Variants in ACTR3B observed in about 807,000 individuals in gnomAD.
ACTR3B encodes actin related protein 3B.
A neutral mutation model predicts 59.0 loss-of-function variants in ACTR3B; 8 were observed. The observed-to-expected ratio is 0.14, with a 90% CI of 0.08 to 0.24. The LOEUF is 0.24. Ranked by LOEUF, ACTR3B falls within the 10% of genes least tolerant of loss-of-function variation. The pLI, the probability that ACTR3B is intolerant of heterozygous loss-of-function variation, is 1.00. For synonymous variants in ACTR3B, 148 were observed against 197.9 expected (o/e 0.75, Z 2.12); for missense variants, 245 against 552.3 (o/e 0.44, Z 5.58).
intron 1 of ACTR3B, among the ~76,000 whole-genome samples, chr7:152,777,322 CA>C (rs1371995571): frequency 6.6e-6 from 1 of 151,330 alleles, no homozygotes; most frequent in Non-Finnish European, 1.5e-5. Flanking sequence ...AAACAAAAAA[CA>C]AAAAAAACAA....
At chr7:152,796,860 G>GGTT (rs2098218252) in intron 2 of ACTR3B, among the ~76,000 whole-genome samples, 41 of 54,750 alleles carry the variant, frequency 7.5e-4, no homozygotes, top group African/African-American at 2.6e-3. Context: ...TAGTTTTTGT[G>GGTT]TTTTTTTTTT....
At chr7:152,785,778 G>A (rs2098172107) in intron 2 of ACTR3B, among the ~76,000 whole-genome samples, 1 of 56,496 alleles carries the variant, frequency 1.8e-5, no homozygotes, top group South Asian at 1.1e-3. Context: ...CTGTGGGATG[G>A]TGGGGAGAGC....
chr7:152,769,135 G>C lies in ACTR3B; in HGVS notation c.44+9209G>C, dbSNP rs538858328. Among the ~76,000 whole-genome samples, 12 of 152,234 alleles carry C rather than the reference G, an allele frequency of 7.9e-5. No homozygotes were observed. The East Asian group carries it at 2.3e-3, about 29-fold the overall frequency. On this transcript the variant is annotated intron_variant, in intron 1 of 11. Coordinates refer to ENST00000256001, the MANE Select transcript of ACTR3B (RefSeq NM_020445.6). ...CCTAAAGTGCTGGGATTACAGGGGTGAGCCACCATGTCTGGGCTCACATTT... is the reference window on the plus strand; with the variant it reads ...CCTAAAGTGCTGGGATTACAGGGGTCAGCCACCATGTCTGGGCTCACATTT...
rs1344594720 is a variant in ACTR3B at position 152,814,561 on chromosome 7, A to G, written c.348A>G (p.Pro116=). The G allele has an allele frequency of 6.2e-7, 1 of 1,611,088 alleles. No homozygotes were observed. Among genetic ancestry groups the G allele is most frequent in the Middle Eastern group, 1.7e-4 (1 of 6,044 alleles). ...ATGTTTTCTTACAGACAGAACCTCCACTCAATACACCAGAAAACAGAGAGT... is the reference window on the plus strand; with the variant it reads ...ATGTTTTCTTACAGACAGAACCTCCGCTCAATACACCAGAAAACAGAGAGT... ...EDHYFLMTEP[P]LNTPENREYL... The change falls in exon 5 of 12, where the codon CCA becomes CCG. Residue 116 remains proline, a synonymous_variant. Transcript: ENST00000256001.
At chr7:152,821,921 C>T (rs1205069120) in intron 7 of ACTR3B, among the ~76,000 whole-genome samples, 10 of 152,368 alleles carry the variant, frequency 6.6e-5, no homozygotes, top group African/African-American at 2.2e-4. Flanking sequence ...ACCCTTGCAG[C>T]ATGAATCCTG....
chr7:152,814,673 A>C, intron 5 of ACTR3B, 28 bp downstream of exon 5: 1 of 1,579,152 alleles, frequency 6.3e-7, no homozygotes, highest in African/African-American at 1.3e-5. Context: ...TGTGATTCCT[A>C]AAGCACCTGA....
chr7:152,762,175 T>G (rs2098091471), intron 1 of ACTR3B, among the ~76,000 whole-genome samples: 1 of 152,102 alleles, frequency 6.6e-6, no homozygotes, highest in Admixed American at 6.6e-5. Flanking sequence ...CGAGACTACC[T>G]GAGTAAGCAG....
intron 4 of ACTR3B, among the ~76,000 whole-genome samples, chr7:152,805,700 C>T (rs1333893672): frequency 6.6e-6 from 1 of 151,286 alleles, no homozygotes; most frequent in Non-Finnish European, 1.5e-5. Flanking sequence ...CTTCACTAAC[C>T]AGTGTAGACC....
rs182131017 is a variant in ACTR3B at position 152,806,692 on chromosome 7, C to A, written c.336+4961C>A. 3.2e-3 allele frequency among the ~76,000 whole-genome samples: 484 copies of A among 152,304 alleles called. 4 individuals carry two copies. The highest frequency in any genetic ancestry group is 5.6e-3 in the Non-Finnish European group (384 of 68,030). ...GAGGCAAGTCTACTACTTGAGTCTA[C>A]CTCAGCTTTGTAAGGAGCTTTCCTG... On this transcript the variant is annotated intron_variant, in intron 4 of 11. Transcript: ENST00000256001.
intron 2 of ACTR3B, among the ~76,000 whole-genome samples, chr7:152,795,321 A>C (rs1405956299): frequency 6.6e-6 from 1 of 152,252 alleles, no homozygotes; most frequent in African/African-American, 2.4e-5. Flanking sequence ...TGCTGGGATT[A>C]CAGGCGTGAG....
intron 1 of ACTR3B, among the ~76,000 whole-genome samples, chr7:152,762,634 T>A (rs2098093346): frequency 6.6e-6 from 1 of 152,218 alleles, no homozygotes; most frequent in African/African-American, 2.4e-5. Context: ...ATACATACAG[T>A]AGTATCCTAT....
At chr7:152,817,214 G>A (rs1246867384) in intron 6 of ACTR3B, among the ~76,000 whole-genome samples, 3 of 152,174 alleles carry the variant, frequency 2.0e-5, no homozygotes, top group Non-Finnish European at 2.9e-5. Flanking sequence ...GAGAAACCCT[G>A]TCTCTACTAC....
intron 2 of ACTR3B, among the ~76,000 whole-genome samples, chr7:152,785,570 T>G (rs1370396143): frequency 7.0e-6 from 1 of 142,754 alleles, no homozygotes; most frequent in Middle Eastern, 3.5e-3. Context: ...TTAGAAGATG[T>G]TCGGGCAGAA....
intron 9 of ACTR3B, among the ~76,000 whole-genome samples, chr7:152,850,110 C>G (rs1348195886): frequency 1.3e-4 from 17 of 129,058 alleles, no homozygotes; most frequent in South Asian, 2.5e-4. Flanking sequence ...GATCACTGGT[C>G]ACTTCTCCAG....
At chr7:152,810,172 C>G (rs2116792709) in intron 4 of ACTR3B, among the ~76,000 whole-genome samples, 1 of 152,218 alleles carries the variant, frequency 6.6e-6, no homozygotes, top group East Asian at 1.9e-4. Context: ...AGTGGCACCA[C>G]CTCAGCTCAC....
chr7:152,759,845 C>G lies in ACTR3B; in HGVS notation c.-38C>G, dbSNP rs1174555557. On this transcript the variant is annotated 5_prime_UTR_variant, in exon 1 of 12. Transcript: ENST00000256001. ...GGAGCGGACGGCGACGGGGCGCTCT[C>G]GGGCTGCCGGCGGGGCCGAGCGCCG... The G allele has an allele frequency of 8.1e-7, 1 of 1,241,820 alleles. No individual in the cohort carries two copies. Among genetic ancestry groups the G allele is most frequent in the Non-Finnish European group, 1.0e-6 (1 of 990,012 alleles). The allele number at this position is 1,241,820 out of a possible 1,614,324, so 76.9% of individuals were successfully genotyped here.
Position 152,824,308 on chromosome 7 carries a change from AAT to A in ACTR3B, c.859-719_859-718del, listed in dbSNP as rs564448958. On this transcript the variant is annotated intron_variant, in intron 8 of 11. Coordinates refer to ENST00000256001, the MANE Select transcript of ACTR3B (RefSeq NM_020445.6). This position sits in a 1 kb window ranked among gnomAD's most constrained non-coding sequence, Gnocchi z 4.2. Reference sequence around the variant, plus strand: ...GATAATCTAGTGAATGCTCACTTTTAATATGTTGATTTGAAATGGACATAGAA... The same window carrying A: ...GATAATCTAGTGAATGCTCACTTTTAATGTTGATTTGAAATGGACATAGAA... 1.2e-3 allele frequency among the ~76,000 whole-genome samples: 189 copies of A among 152,320 alleles called. No individual in the cohort carries two copies. Among genetic ancestry groups the A allele is most frequent in the African/African-American group, 4.3e-3 (180 of 41,572 alleles).
intron 1 of ACTR3B, among the ~76,000 whole-genome samples, chr7:152,769,359 T>G (rs144301324): frequency 7.9e-5 from 12 of 152,356 alleles, no homozygotes; most frequent in African/African-American, 2.9e-4. Context: ...AGTAGCCTTC[T>G]AATTGTTTTC....
At chr7:152,786,791 A>G (rs1472890687) in intron 2 of ACTR3B, among the ~76,000 whole-genome samples, 2 of 152,096 alleles carry the variant, frequency 1.3e-5, no homozygotes, top group African/African-American at 2.4e-5. Context: ...ATGTACAAAG[A>G]TACATTGTTT....
Sources: gnomAD v4.1 joint callset for allele counts (sites outside exome capture counted in the v4.1 genomes callset) on GRCh38, gnomAD v4.1.1 for gene constraint, Gnocchi (gnomAD v3.1) non-coding constraint, MANE v1.5 for transcripts, NCBI Gene and HGNC (gene_info 2026-07-23, HGNC 2026-07-21) for gene names.